Variants in ASH1L observed in about 807,000 individuals in gnomAD.
ASH1L encodes histone-lysine N-methyltransferase ASH1L.
ASH1L carries 23 observed loss-of-function variants against 269.0 expected under a neutral mutation model. The observed-to-expected ratio is 0.09, with a 90% CI of 0.06 to 0.12. The LOEUF is 0.12. Ranked by LOEUF, ASH1L falls within the 10% of genes least tolerant of loss-of-function variation. ASH1L has a pLI of 1.00. For missense variants in ASH1L, 2,912 were observed against 3,567.8 expected (o/e 0.82, Z 4.68); for synonymous variants, 1,187 against 1,253.5 (o/e 0.95, Z 1.12).
chr1:155,496,614 G>A lies in ASH1L; in HGVS notation c.421-14165C>T, dbSNP rs141092767. Among the ~76,000 whole-genome samples, 42 of 152,086 alleles carry A rather than the reference G, an allele frequency of 2.8e-4. No individual in the cohort carries two copies. In the East Asian group the frequency reaches 7.3e-3, roughly 27 times the overall value. On this transcript the variant is annotated intron_variant, in intron 2 of 27. Coordinates refer to ENST00000392403, the MANE Select transcript of ASH1L (RefSeq NM_018489.3). ...ATGTACTAAATCCTCACGTATACAC[G>A]AGTCTACTACTAGTTTTTCTTTTCT... is the stretch of plus-strand genomic sequence containing the variant.
At chr1:155,471,694 C>T (rs1665110349) in intron 3 of ASH1L, among the ~76,000 whole-genome samples, 1 of 152,230 alleles carries the variant, frequency 6.6e-6, no homozygotes, top group Non-Finnish European at 1.5e-5. Context: ...TGTAATCATA[C>T]TATAGTGCTT....
intron 2 of ASH1L, among the ~76,000 whole-genome samples, chr1:155,489,834 A>ATAAATAAATAAATAAC (rs1553267683): frequency 6.6e-6 from 1 of 150,498 alleles, no homozygotes; most frequent in Non-Finnish European, 1.5e-5. Context: ...AAATAAATAA[A>ATAAATAAATAAATAAC]TAACAATATG....
intron 12 of ASH1L, among the ~76,000 whole-genome samples, chr1:155,369,745 T>C (rs941592386): frequency 1.8e-4 from 27 of 152,150 alleles, no homozygotes; most frequent in African/African-American, 6.5e-4. Flanking sequence ...GCCTAGCACA[T>C]AGTAAGAACT....
At chr1:155,356,705 T>C (rs1654422505) in intron 15 of ASH1L, among the ~76,000 whole-genome samples, 1 of 151,580 alleles carries the variant, frequency 6.6e-6, no homozygotes, top group Admixed American at 6.6e-5. Context: ...TGGTCTTGAA[T>C]TCCTGGGCTC....
intron 5 of ASH1L, among the ~76,000 whole-genome samples, chr1:155,426,591 C>T (rs1215277449): frequency 1.3e-5 from 2 of 152,190 alleles, no homozygotes; most frequent in African/African-American, 4.8e-5. Context: ...CTGCCCACAT[C>T]AGACTCCCAG....
Position 155,354,510 on chromosome 1 carries a change from C to A in ASH1L, c.7176G>T (p.Trp2392Cys), listed in dbSNP as rs1654198176. The A allele has an allele frequency of 6.2e-7, 1 of 1,611,904 alleles. No individual in the cohort carries two copies. Among genetic ancestry groups the A allele is most frequent in the Non-Finnish European group, 8.5e-7 (1 of 1,179,570 alleles). ...TCCCATCATCTCGGCAGATCCCATT[C>A]CAACGGGTATATAATGATGCTGAGT... ...NIHSASLYTR[W>C]NGICRDDGNI... is the part of the protein sequence containing the mutation. The change falls in exon 16 of 28, where the codon TGG becomes TGT. Residue 2392 changes from tryptophan to cysteine, a missense_variant. Transcript: ENST00000392403.
In ASH1L at chr1:155,438,732, C is replaced by T. The variant is rs77275296; in HGVS notation, c.5423G>A (p.Arg1808Gln). 13 of 1,613,980 alleles carry T rather than the reference C, an allele frequency of 8.1e-6. No individual in the cohort carries two copies. Among genetic ancestry groups the T allele is most frequent in the East Asian group, 4.5e-5 (2 of 44,896 alleles). Residue 1808 changes from arginine (R) to glutamine (Q), a missense_variant, in exon 5 of 28, where the codon CGG (arginine) becomes CAG (glutamine). Arg to Gln is a conservative substitution (Grantham distance 43). Transcript: ENST00000392403. ...GATTTTGTCGTAATTGCACATTTTC[C>T]GAGCTTGGCGTTGCATAGCTTCCAC... is the stretch of plus-strand genomic sequence containing the variant. Reference protein sequence around the residue: ...SVVEAMQRQARKMCNYDKILA... With the variant: ...SVVEAMQRQAQKMCNYDKILA...
chr1:155,356,205 A>C lies in ASH1L; in HGVS notation c.7055+1111T>G, dbSNP rs553932604. 8.5e-5 allele frequency among the ~76,000 whole-genome samples: 13 copies of C among 152,174 alleles called. No homozygotes were observed. In the South Asian group the frequency reaches 1.5e-3, roughly 17 times the overall value. On this transcript the variant is annotated intron_variant, in intron 15 of 27. Coordinates refer to ENST00000392403, the MANE Select transcript of ASH1L (RefSeq NM_018489.3). ...GCCTGCCTTGGCCTCCCAAAGTGGTAGGATTACAGGTGTGAGCCACTGCGC... is the reference window on the plus strand; with the variant it reads ...GCCTGCCTTGGCCTCCCAAAGTGGTCGGATTACAGGTGTGAGCCACTGCGC...
In ASH1L at chr1:155,346,162, C is replaced by T. The variant is rs1456289939; in HGVS notation, c.7890+221G>A. The T allele has an allele frequency of 3.5e-6, 5 of 1,444,778 alleles. No individual in the cohort carries two copies. In the South Asian group the frequency reaches 6.1e-5, roughly 18 times the overall value. The allele number at this position is 1,444,778 out of a possible 1,614,324, so 89.5% of individuals were successfully genotyped here. A position where few individuals can be genotyped will look rare whatever the true frequency, so the allele number is the denominator to read the frequency against. ...AACCTTAGTTTTATATAGTGCCATT[C>T]CTTCCACAGATTTCTAAGTATTTTA... On this transcript the variant is annotated intron_variant, in intron 21 of 27. Transcript: ENST00000392403.
At position 155,335,570 on chromosome 1, in the gene ASH1L, T is replaced by C. The variant is rs182414333; in HGVS notation, c.*2090A>G. 6.0e-3 allele frequency: 916 copies of C among 152,866 alleles called. 6 individuals carry two copies. Among genetic ancestry groups the C allele is most frequent in the Middle Eastern group, 0.02 (6 of 294 alleles). 9.5% of individuals were successfully genotyped at this position (152,866 alleles called of 1,614,324 possible). ...CAGCTGGGGGGTTCTTTTTATTTCGTTATTATAAAATAACTGAAAAATAAA... is the reference window on the plus strand; with the variant it reads ...CAGCTGGGGGGTTCTTTTTATTTCGCTATTATAAAATAACTGAAAAATAAA... On this transcript the variant is annotated 3_prime_UTR_variant, in exon 28 of 28. Coordinates refer to ENST00000392403, the MANE Select transcript of ASH1L (RefSeq NM_018489.3).
intron 1 of ASH1L, 44 bp from the exon 2 acceptor site, chr1:155,521,662 C>T (rs1558189005): frequency 1.4e-6 from 1 of 723,970 alleles, no homozygotes; most frequent in Non-Finnish European, 2.2e-6. Flanking sequence ...AAAGAGGCAA[C>T]TACTGATTAA....
intron 10 of ASH1L, among the ~76,000 whole-genome samples, chr1:155,373,015 C>T (rs1571029880): frequency 6.6e-6 from 1 of 151,952 alleles, no homozygotes; most frequent in African/African-American, 2.4e-5. Context: ...GAGTTCAAGA[C>T]CAGCCTGACC....
rs145165139 is a variant in ASH1L, at chr1:155,359,261, C to T, written c.6795+1040G>A. On this transcript the variant is annotated intron_variant, in intron 13 of 27. Coordinates refer to ENST00000392403, the MANE Select transcript of ASH1L (RefSeq NM_018489.3). ...GTAGGTAGGTATGCACTACTGTGCC[C>T]AGGCTCCCATGTACTTCTTTTCTCC... Among the ~76,000 whole-genome samples the T allele has an allele frequency of 4.3e-3, 650 of 152,206 alleles. 6 individuals carry two copies. The highest frequency in any genetic ancestry group is 0.015 in the African/African-American group (620 of 41,528).
At chr1:155,548,982 G>C (rs1671014138) in intron 1 of ASH1L, among the ~76,000 whole-genome samples, 1 of 152,140 alleles carries the variant, frequency 6.6e-6, no homozygotes, top group Non-Finnish European at 1.5e-5. Flanking sequence ...ATATTCCAGG[G>C]GCAGGGGTGG....
In ASH1L at chr1:155,430,574, CT is replaced by C. The variant is rs1270735672; in HGVS notation, c.5828+7752del. ...GTAAATTTTTAATCTCTTATATACA[CT>C]TTATTTCCTTTTAAATCCCTATTTA... On this transcript the variant is annotated intron_variant, in intron 5 of 27. Coordinates refer to ENST00000392403, the MANE Select transcript of ASH1L (RefSeq NM_018489.3). Among the ~76,000 whole-genome samples the C allele has an allele frequency of 1.3e-5, 2 of 152,108 alleles. 1 individual carries two copies. The highest frequency in any genetic ancestry group is 1.3e-4 in the Admixed American group (2 of 15,252).
intron 5 of ASH1L, among the ~76,000 whole-genome samples, chr1:155,431,231 T>TAA (rs1661573823): frequency 6.6e-6 from 1 of 150,440 alleles, no homozygotes; most frequent in African/African-American, 2.4e-5. Flanking sequence ...TATATATATA[T>TAA]AATATTTACA....
At chr1:155,418,098 T>C (rs1660364343) in intron 5 of ASH1L, among the ~76,000 whole-genome samples, 2 of 152,140 alleles carry the variant, frequency 1.3e-5, no homozygotes, top group Non-Finnish European at 2.9e-5. Flanking sequence ...CATACAATAA[T>C]GCGACATCAC....
rs1450468579 is a variant in ASH1L, at chr1:155,489,227, C to T, written c.421-6778G>A. Among the ~76,000 whole-genome samples the T allele has an allele frequency of 3.9e-5, 6 of 152,026 alleles. 1 individual carries two copies. Among genetic ancestry groups the T allele is most frequent in the Admixed American group, 1.3e-4 (2 of 15,256 alleles). Reference sequence around the variant, plus strand: ...GTGGCTCACACCTGTAATCCTAGCACTTTGGGAGGCCGAGGAGGGCAGAAC... The same window carrying T: ...GTGGCTCACACCTGTAATCCTAGCATTTTGGGAGGCCGAGGAGGGCAGAAC... On this transcript the variant is annotated intron_variant, in intron 2 of 27. Coordinates refer to ENST00000392403, the MANE Select transcript of ASH1L (RefSeq NM_018489.3).
chr1:155,524,211 TAC>T (rs1669076011), intron 1 of ASH1L, among the ~76,000 whole-genome samples: 1 of 152,266 alleles, frequency 6.6e-6, no homozygotes, highest in African/African-American at 2.4e-5. Flanking sequence ...CATATAAACA[TAC>T]ACACTCTCCC....
Sources: gnomAD v4.1 joint callset for allele counts (sites outside exome capture counted in the v4.1 genomes callset) on GRCh38, gnomAD v4.1.1 for gene constraint, MANE v1.5 for transcripts, NCBI Gene and HGNC (gene_info 2026-07-23, HGNC 2026-07-21) for gene names.